Variants in DNMT3A observed in about 807,000 individuals in gnomAD.
DNMT3A encodes DNA methyltransferase 3 alpha, also known as DNA (cytosine-5)-methyltransferase 3A.
Under a neutral mutation model 117.6 loss-of-function variants are expected in DNMT3A, and 267 were observed. The ratio of observed to expected loss-of-function variants is 2.27; its 90% confidence interval spans 2.05 to 2.51. The LOEUF is 2.51. Ranked by LOEUF, DNMT3A falls within the 30% of genes most tolerant of loss-of-function variation. The pLI is 0.00. For missense variants in DNMT3A, 1,029 were observed against 1,260.2 expected (o/e 0.82, Z 2.78); for synonymous variants, 432 against 474.8 (o/e 0.91, Z 1.17).
chr2:25,300,681 T>A lies in DNMT3A; in HGVS notation c.73-438A>T, dbSNP rs1204739371. 5.5e-3 allele frequency among the ~76,000 whole-genome samples: 286 copies of A among 51,568 alleles called. 20 individuals are homozygous for A. The highest frequency in any genetic ancestry group is 9.0e-3 in the Non-Finnish European group (236 of 26,298). The allele number at this position is 51,568 out of a possible 152,430, so 33.8% of individuals were successfully genotyped here. A position where few individuals can be genotyped will look rare whatever the true frequency, so the allele number is the denominator to read the frequency against. On this transcript the variant is annotated intron_variant, in intron 2 of 22. Coordinates refer to ENST00000321117, the MANE Select transcript of DNMT3A (RefSeq NM_022552.5). ...AATAATATATTATTTAGATATATAT[T>A]TAGATATATATTTATATATCTAAAT...
intron 1 of DNMT3A, among the ~76,000 whole-genome samples, chr2:25,317,194 T>C (rs1410894565): frequency 6.7e-6 from 1 of 150,128 alleles, no homozygotes; most frequent in African/African-American, 2.4e-5. Flanking sequence ...CCTGAGTAGG[T>C]GGGACTACAG....
rs1156993869 is a variant in DNMT3A, at chr2:25,254,576, AAGC to A, written c.640-6327_640-6325del. Among the ~76,000 whole-genome samples the A allele has an allele frequency of 6.6e-6, 1 of 152,138 alleles. No individual in the cohort carries two copies. Among genetic ancestry groups the A allele is most frequent in the Non-Finnish European group, 1.5e-5 (1 of 68,030 alleles). ...TGGTACACATTTCCAGGGGCTCCCCAAGCAGAAGTGAGAAGCCCAGAATTTGTC... is the reference window on the plus strand; with the variant it reads ...TGGTACACATTTCCAGGGGCTCCCCAAGAAGTGAGAAGCCCAGAATTTGTC... On this transcript the variant is annotated intron_variant, in intron 6 of 22. Transcript: ENST00000321117. The surrounding 1 kb of genome is among the most constrained non-coding windows in gnomAD (Gnocchi z 4.7).
chr2:25,234,567 C>T lies in DNMT3A; in HGVS notation c.2598-147G>A, dbSNP rs1337265397. Reference sequence around the variant, plus strand: ...CACTCACACCCACCAACTCCTCTGACGCCTGCTTAGTTCTGCCGAATCTTC... The same window carrying T: ...CACTCACACCCACCAACTCCTCTGATGCCTGCTTAGTTCTGCCGAATCTTC... On this transcript the variant is annotated intron_variant, in intron 22 of 22. Transcript: ENST00000321117. The surrounding 1 kb of genome is among the most constrained non-coding windows in gnomAD (Gnocchi z 4.5). The T allele has an allele frequency of 2.5e-5, 22 of 895,966 alleles. No individual in the cohort carries two copies. The East Asian group carries it at 4.7e-4, about 19-fold the overall frequency. 55.5% of individuals were successfully genotyped at this position (895,966 alleles called of 1,614,324 possible).
At chr2:25,290,655 T>C (rs1194026631) in intron 3 of DNMT3A, among the ~76,000 whole-genome samples, 1 of 152,184 alleles carries the variant, frequency 6.6e-6, no homozygotes. Context: ...TTACTATAGT[T>C]ATTTACACAG....
rs1355907701 is a variant in DNMT3A, at chr2:25,252,543, C to T, written c.640-4291G>A. On this transcript the variant is annotated intron_variant, in intron 6 of 22. Coordinates refer to ENST00000321117, the MANE Select transcript of DNMT3A (RefSeq NM_022552.5). This position sits in a 1 kb window ranked among gnomAD's most constrained non-coding sequence, Gnocchi z 5.5. ...CGCCCGTTCCCAGGGCCCGCCCAGG[C>T]CGGGCTGCAGGGAGCGCCCCGCCTT... 6.6e-6 allele frequency among the ~76,000 whole-genome samples: 1 copy of T among 151,518 alleles called. No homozygotes were observed. The highest frequency in any genetic ancestry group is 1.5e-5 in the Non-Finnish European group (1 of 67,814).
At chr2:25,268,147 T>C (rs7586294) in intron 6 of DNMT3A, among the ~76,000 whole-genome samples, 75,064 of 151,978 alleles carry the variant, frequency 0.49, 18,903 homozygotes, top group Non-Finnish European at 0.54. Context: ...GAGACTATGA[T>C]GTTCCAGTCA....
In DNMT3A at chr2:25,298,376, C is replaced by T. The variant is rs909516258; in HGVS notation, c.177+1763G>A. 2.6e-5 allele frequency among the ~76,000 whole-genome samples: 4 copies of T among 152,178 alleles called. No individual in the cohort carries two copies. Among genetic ancestry groups the T allele is most frequent in the Admixed American group, 2.0e-4 (3 of 15,284 alleles). ...CCTGACTTCCTTGTACCTTTTCACC[C>T]GAGTGCTTCACTCCACCTCTCAGCG... On this transcript the variant is annotated intron_variant, in intron 3 of 22. Transcript: ENST00000321117. This position sits in a 1 kb window ranked among gnomAD's most constrained non-coding sequence, Gnocchi z 4.3.
chr2:25,270,549 T>G (rs1400655762), intron 6 of DNMT3A, among the ~76,000 whole-genome samples: 2 of 152,110 alleles, frequency 1.3e-5, no homozygotes, highest in Non-Finnish European at 2.9e-5. Flanking sequence ...GGGGAACAGC[T>G]GGAGCTGGGT....
chr2:25,248,396 G>T (rs75078064), intron 6 of DNMT3A, 144 bp from the exon 7 acceptor site: 27 of 855,980 alleles, frequency 3.2e-5, no homozygotes, highest in South Asian at 1.3e-4. Flanking sequence ...CTGCCTTGCC[G>T]TGAAAAATGG....
intron 6 of DNMT3A, among the ~76,000 whole-genome samples, chr2:25,263,531 T>C (rs1676781693): frequency 6.6e-6 from 1 of 152,206 alleles, no homozygotes; most frequent in South Asian, 2.1e-4. Flanking sequence ...TAGTAAGTAC[T>C]GAGGTCCATT....
intron 4 of DNMT3A, 36 bp from the exon 5 acceptor site, chr2:25,275,579 G>A: frequency 6.5e-7 from 1 of 1,549,046 alleles, no homozygotes; most frequent in Non-Finnish European, 8.7e-7. Flanking sequence ...CCAGTTCGTT[G>A]GTCGGCAGAA....
intron 6 of DNMT3A, among the ~76,000 whole-genome samples, chr2:25,260,945 G>A (rs1162824368): frequency 6.6e-6 from 1 of 152,068 alleles, no homozygotes; most frequent in African/African-American, 2.4e-5. Context: ...AGTGAGCTAC[G>A]ATCAGAGCAT....
At chr2:25,268,994 C>G (rs976892316) in intron 6 of DNMT3A, among the ~76,000 whole-genome samples, 1 of 152,192 alleles carries the variant, frequency 6.6e-6, no homozygotes, top group African/African-American at 2.4e-5. Context: ...GAAAAATACC[C>G]TGATGAAATA....
At chr2:25,253,061 T>C (rs924396489) in intron 6 of DNMT3A, among the ~76,000 whole-genome samples, 3 of 152,170 alleles carry the variant, frequency 2.0e-5, no homozygotes, top group African/African-American at 7.2e-5. Context: ...GCGAGGGCGC[T>C]CCTTCAGAAA....
chr2:25,244,400 G>A, intron 14 of DNMT3A, 62 bp from the exon 15 acceptor site: 4 of 1,567,542 alleles, frequency 2.6e-6, no homozygotes, highest in Non-Finnish European at 3.5e-6. Flanking sequence ...GCCAAGGTGT[G>A]CTACCTGGAA....
At position 25,234,566 on chromosome 2, in the gene DNMT3A, A is replaced by C. The variant is rs1187420633; in HGVS notation, c.2598-146T>G. 7.8e-6 allele frequency: 7 copies of C among 897,892 alleles called. No individual in the cohort carries two copies. Among genetic ancestry groups the C allele is most frequent in the Non-Finnish European group, 1.1e-5 (7 of 614,402 alleles). The allele number at this position is 897,892 out of a possible 1,614,324, so 55.6% of individuals were successfully genotyped here. On this transcript the variant is annotated intron_variant, in intron 22 of 22. Coordinates refer to ENST00000321117, the MANE Select transcript of DNMT3A (RefSeq NM_022552.5). The surrounding 1 kb of genome is among the most constrained non-coding windows in gnomAD (Gnocchi z 4.5). ...GCACTCACACCCACCAACTCCTCTG[A>C]CGCCTGCTTAGTTCTGCCGAATCTT...
Position 25,243,885 on chromosome 2 carries a change from C to T in DNMT3A, c.1936+13G>A. The T allele has an allele frequency of 2.6e-6, 4 of 1,551,900 alleles. No individual in the cohort carries two copies. Among genetic ancestry groups the T allele is most frequent in the Non-Finnish European group, 3.5e-6 (4 of 1,147,016 alleles). ...ACAAGGCGGCCAGCACCTCTTGGGCCTGCACCCCTCACCTGTAGCGATTCC... is the reference window on the plus strand; with the variant it reads ...ACAAGGCGGCCAGCACCTCTTGGGCTTGCACCCCTCACCTGTAGCGATTCC... On this transcript the variant is annotated intron_variant, in intron 16 of 22. Transcript: ENST00000321117.
intron 6 of DNMT3A, among the ~76,000 whole-genome samples, chr2:25,256,672 T>G (rs531408502): frequency 4.6e-5 from 7 of 152,066 alleles, no homozygotes; most frequent in Non-Finnish European, 1.0e-4. Flanking sequence ...ACCCTTATCC[T>G]CCCCTTCTGT....
chr2:25,340,503 C>A lies in DNMT3A; in HGVS notation c.-178+1323G>T, dbSNP rs538990938. Among the ~76,000 whole-genome samples, 20 of 151,978 alleles carry A rather than the reference C, an allele frequency of 1.3e-4. No individual in the cohort carries two copies. In the South Asian group the frequency reaches 3.1e-3, roughly 24 times the overall value. ...GGCGGGCCCTGGACCCGCGCCAGCC[C>A]GGTCCGCGCCGAAGGGGAGGGAAGG... On this transcript the variant is annotated intron_variant, in intron 1 of 22. Coordinates refer to ENST00000321117, the MANE Select transcript of DNMT3A (RefSeq NM_022552.5).
Sources: gnomAD v4.1 joint callset for allele counts (sites outside exome capture counted in the v4.1 genomes callset) on GRCh38, gnomAD v4.1.1 for gene constraint, Gnocchi (gnomAD v3.1) non-coding constraint, MANE v1.5 for transcripts, NCBI Gene and HGNC (gene_info 2026-07-23, HGNC 2026-07-21) for gene names.